Variants in VWC2L observed in about 807,000 individuals in gnomAD.
VWC2L encodes the protein von Willebrand factor C domain containing 2 like.
A neutral mutation model predicts 21.6 loss-of-function variants in VWC2L; 10 were observed. The ratio of observed to expected loss-of-function variants is 0.46; its 90% CI spans 0.29 to 0.78. The LOEUF (loss-of-function observed/expected upper bound fraction) is 0.78. Ranked by LOEUF, VWC2L falls within the 30% of genes least tolerant of loss-of-function variation. VWC2L has a pLI of 0.10. For synonymous variants in VWC2L, 96 were observed against 94.3 expected (o/e 1.02, Z -0.10); for missense variants, 209 against 277.1 (o/e 0.75, Z 1.74).
At chr2:214,565,048 A>G (rs1197885215) in intron 3 of VWC2L, among the ~76,000 whole-genome samples, 1 of 152,200 alleles carries the variant, frequency 6.6e-6, no homozygotes, top group Non-Finnish European at 1.5e-5. Flanking sequence ...TTATCTGCAT[A>G]ATCACTTTCT....
chr2:214,466,978 T>C (rs1703226751), intron 3 of VWC2L, among the ~76,000 whole-genome samples: 1 of 152,232 alleles, frequency 6.6e-6, no homozygotes, highest in South Asian at 2.1e-4. Context: ...TCAGACATTA[T>C]GAATTTTACC....
In VWC2L at chr2:214,575,821, G is replaced by A; in HGVS notation, c.*1G>A. ...ATGCCAAGGCAAGCAGACTGTGTAG[G>A]ACAAACTTCCACCCAATGATGAGTT... On this transcript the variant is annotated 3_prime_UTR_variant, in exon 4 of 4. Transcript: ENST00000312504. 6.2e-7 allele frequency: 1 copy of A among 1,611,748 alleles called. No homozygotes were observed. The highest frequency in any genetic ancestry group is 8.5e-7 in the Non-Finnish European group (1 of 1,178,226).
chr2:214,570,590 C>T (rs1327326322), intron 3 of VWC2L, among the ~76,000 whole-genome samples: 1 of 152,032 alleles, frequency 6.6e-6, no homozygotes, highest in Non-Finnish European at 1.5e-5. Flanking sequence ...GTCTCAAACT[C>T]CAGCTCAAGC....
rs1690221834 is a variant in VWC2L, at chr2:214,575,857, G to C, written c.*37G>C. ...ACCCAATGATGAGTTCTTAGGAAAG[G>C]ATGCTATGGCTTCAACACTGCACAT... On this transcript the variant is annotated 3_prime_UTR_variant, in exon 4 of 4. Coordinates refer to ENST00000312504, the MANE Select transcript of VWC2L (RefSeq NM_001080500.4). 6.3e-7 allele frequency: 1 copy of C among 1,591,960 alleles called. No individual in the cohort carries two copies. Among genetic ancestry groups the C allele is most frequent in the Non-Finnish European group, 8.6e-7 (1 of 1,164,142 alleles).
intron 3 of VWC2L, among the ~76,000 whole-genome samples, chr2:214,513,037 C>T (rs1393908575): frequency 1.3e-5 from 2 of 152,076 alleles, no homozygotes; most frequent in African/African-American, 4.8e-5. Flanking sequence ...AAAGGCTGCA[C>T]AGCCCTGTTG....
intron 3 of VWC2L, among the ~76,000 whole-genome samples, chr2:214,566,544 C>G (rs1277042123): frequency 1.3e-5 from 2 of 152,100 alleles, no homozygotes; most frequent in African/African-American, 4.8e-5. Flanking sequence ...TTAGAGAAAA[C>G]AATATTTCCT....
At chr2:214,452,150 CTTTT>C (rs759580175) in intron 3 of VWC2L, among the ~76,000 whole-genome samples, 4 of 151,978 alleles carry the variant, frequency 2.6e-5, no homozygotes, top group Non-Finnish European at 5.9e-5. Context: ...TTGTTTTTGG[CTTTT>C]TGTGTGTGTG....
In VWC2L at chr2:214,578,206, C is replaced by T. The variant is rs773421909; in HGVS notation, c.*2386C>T. 8 of 152,060 alleles carry T rather than the reference C, an allele frequency of 5.3e-5. No individual in the cohort carries two copies. Among genetic ancestry groups the T allele is most frequent in the African/African-American group, 9.7e-5 (4 of 41,398 alleles). The allele number at this position is 152,060 out of a possible 1,614,324, so 9.4% of individuals were successfully genotyped here. ...ATTAATAGAGCCATGCAGCATAGTA[C>T]CTTATCTATTATTAAGGAGTTACTA... On this transcript the variant is annotated 3_prime_UTR_variant, in exon 4 of 4. Coordinates refer to ENST00000312504, the MANE Select transcript of VWC2L (RefSeq NM_001080500.4).
At chr2:214,465,190 CA>C (rs1703198614) in intron 3 of VWC2L, among the ~76,000 whole-genome samples, 1 of 152,188 alleles carries the variant, frequency 6.6e-6, no homozygotes, top group Non-Finnish European at 1.5e-5. Context: ...CTCCTTTCCT[CA>C]GGCAGAAGGA....
At chr2:214,556,934 C>T (rs998934983) in intron 3 of VWC2L, among the ~76,000 whole-genome samples, 3 of 152,190 alleles carry the variant, frequency 2.0e-5, no homozygotes, top group Non-Finnish European at 4.4e-5. Context: ...GCTGACTATC[C>T]TCAGCACATG....
At chr2:214,456,635 G>C (rs1034096409) in intron 3 of VWC2L, among the ~76,000 whole-genome samples, 10 of 152,010 alleles carry the variant, frequency 6.6e-5, no homozygotes, top group African/African-American at 2.4e-4. Context: ...TGAGGCGTTA[G>C]CCATAAAATA....
In VWC2L at chr2:214,578,711, C is replaced by T. The variant is rs886353572; in HGVS notation, c.*2891C>T. The stretch of plus-strand genomic sequence containing the variant: ...CAGCCACACTGTCATCTCTGTACTC[C>T]TATTTCTCCTCCGCCTTTGGTTCTC... On this transcript the variant is annotated 3_prime_UTR_variant, in exon 4 of 4. Transcript: ENST00000312504. The T allele has an allele frequency of 2.0e-5, 3 of 152,074 alleles. No homozygotes were observed. The highest frequency in any genetic ancestry group is 7.2e-5 in the African/African-American group (3 of 41,410). 9.4% of individuals were successfully genotyped at this position (152,074 alleles called of 1,614,324 possible). A position where few individuals can be genotyped will look rare whatever the true frequency, so the allele number is the denominator to read the frequency against.
chr2:214,433,360 C>A (rs1208651103), intron 2 of VWC2L, among the ~76,000 whole-genome samples: 1 of 151,784 alleles, frequency 6.6e-6, no homozygotes, highest in South Asian at 2.1e-4. Flanking sequence ...TGGTATAATT[C>A]AATCACCATA....
At chr2:214,538,495 T>G (rs1356668967) in intron 3 of VWC2L, among the ~76,000 whole-genome samples, 1 of 152,046 alleles carries the variant, frequency 6.6e-6, no homozygotes, top group Non-Finnish European at 1.5e-5. Flanking sequence ...ATACCCTGGA[T>G]AAAAATTTTC....
At chr2:214,511,393 T>C (rs1288366804) in intron 3 of VWC2L, among the ~76,000 whole-genome samples, 2 of 152,176 alleles carry the variant, frequency 1.3e-5, no homozygotes, top group African/African-American at 2.4e-5. Context: ...TGTCTGGAGA[T>C]AGAGCCTTTA....
At chr2:214,518,439 CA>C (rs1689179263) in intron 3 of VWC2L, among the ~76,000 whole-genome samples, 1 of 152,094 alleles carries the variant, frequency 6.6e-6, no homozygotes, top group African/African-American at 2.4e-5. Context: ...AGGTCTTTGG[CA>C]AAAGTTGAGG....
intron 3 of VWC2L, among the ~76,000 whole-genome samples, chr2:214,528,476 G>A (rs1486038919): frequency 6.6e-6 from 1 of 151,976 alleles, no homozygotes; most frequent in Non-Finnish European, 1.5e-5. Context: ...CAAGACAATT[G>A]TAATATCCTC....
At chr2:214,491,471 G>C (rs1261370154) in intron 3 of VWC2L, among the ~76,000 whole-genome samples, 2 of 152,166 alleles carry the variant, frequency 1.3e-5, no homozygotes, top group Admixed American at 6.5e-5. Flanking sequence ...GTAAGAGAAG[G>C]ACAGTAAATT....
At chr2:214,458,837 C>T (rs1027750178) in intron 3 of VWC2L, among the ~76,000 whole-genome samples, 1 of 152,124 alleles carries the variant, frequency 6.6e-6, no homozygotes. Flanking sequence ...TATGGCCTAA[C>T]ATATGGTCTA....
Sources: gnomAD v4.1 joint callset for allele counts (sites outside exome capture counted in the v4.1 genomes callset) on GRCh38, gnomAD v4.1.1 for gene constraint, MANE v1.5 for transcripts, NCBI Gene and HGNC (gene_info 2026-07-23, HGNC 2026-07-21) for gene names.